The following LINGO2 variants were observed in gnomAD, a reference collection of about 807,000 sequenced individuals.
LINGO2 encodes leucine rich repeat and Ig domain containing 2, also known as leucine-rich repeat and immunoglobulin-like domain-containing nogo receptor-interacting protein 2.
LINGO2 carries 14 observed loss-of-function variants against 30.6 expected under a neutral mutation model. That is an observed-to-expected ratio of 0.46 (90% CI 0.30 to 0.72). The LOEUF is 0.72. Among genes scored for constraint, LINGO2 ranks in the 30% least tolerant of loss-of-function variants. The pLI is 0.07. For synonymous variants in LINGO2, 317 were observed against 288.5 expected (o/e 1.10, Z -1.00); for missense variants, 729 against 751.7 (o/e 0.97, Z 0.35).
intron 4 of LINGO2, among the ~76,000 whole-genome samples, chr9:28,271,155 GT>G (rs1334936006): frequency 7.0e-6 from 1 of 143,342 alleles, no homozygotes; most frequent in Non-Finnish European, 1.5e-5. Context: ...TAAGAAAAAA[GT>G]AAAAAAAAAA....
chr9:28,377,530 A>G (rs1821178276), intron 2 of LINGO2, among the ~76,000 whole-genome samples: 1 of 152,158 alleles, frequency 6.6e-6, no homozygotes, highest in Non-Finnish European at 1.5e-5. Context: ...AGTTATACAC[A>G]GATTTTCAAC....
chr9:29,142,242 T>C, the LINGO2 span, among the ~76,000 whole-genome samples: 3 of 151,710 alleles, frequency 2.0e-5, no homozygotes, highest in Admixed American at 6.6e-5. Flanking sequence ...TAAAAATCAA[T>C]AGCAGAAGGA....
At chr9:28,167,969 T>C (rs1828478456) in intron 4 of LINGO2, among the ~76,000 whole-genome samples, 1 of 152,208 alleles carries the variant, frequency 6.6e-6, no homozygotes, top group Non-Finnish European at 1.5e-5. Flanking sequence ...TCCTCAGCCC[T>C]TTTTTGGTAA....
At chr9:28,444,163 G>A (rs920324952) in intron 2 of LINGO2, among the ~76,000 whole-genome samples, 26 of 152,132 alleles carry the variant, frequency 1.7e-4, no homozygotes, top group Non-Finnish European at 4.4e-5. Flanking sequence ...CTGGATATGG[G>A]ACACGAACTC....
chr9:29,065,863 A>C, the LINGO2 span, among the ~76,000 whole-genome samples: 1 of 152,000 alleles, frequency 6.6e-6, no homozygotes, highest in Non-Finnish European at 1.5e-5. Flanking sequence ...AAAAATCAAG[A>C]TATTAAATAT....
the LINGO2 span, among the ~76,000 whole-genome samples, chr9:28,768,503 C>T: frequency 4.6e-5 from 7 of 151,920 alleles, no homozygotes; most frequent in African/African-American, 1.7e-4. Context: ...CCCAAAAGCT[C>T]TGATTTCTTT....
At chr9:28,918,773 T>A in the LINGO2 span, among the ~76,000 whole-genome samples, 3 of 152,202 alleles carry the variant, frequency 2.0e-5, no homozygotes, top group African/African-American at 7.2e-5. Flanking sequence ...TTTATCTTGC[T>A]ATCAATTAGA....
At chr9:28,773,243 T>C in the LINGO2 span, among the ~76,000 whole-genome samples, 1 of 151,558 alleles carries the variant, frequency 6.6e-6, no homozygotes, top group Non-Finnish European at 1.5e-5. Context: ...CGGGCGCCTG[T>C]AGTCGCAGCT....
At chr9:29,009,283 C>T in the LINGO2 span, among the ~76,000 whole-genome samples, 1 of 152,156 alleles carries the variant, frequency 6.6e-6, no homozygotes, top group African/African-American at 2.4e-5. Context: ...ATTTAGAGAA[C>T]CCCATTGTCT....
chr9:29,200,114 C>T, the LINGO2 span, among the ~76,000 whole-genome samples: 61 of 151,986 alleles, frequency 4.0e-4, no homozygotes, highest in Middle Eastern at 3.4e-3. Context: ...TGGAGTTTTT[C>T]CCGGATACAT....
intron 4 of LINGO2, among the ~76,000 whole-genome samples, chr9:28,033,340 G>T (rs1823773730): frequency 6.6e-6 from 1 of 152,118 alleles, no homozygotes; most frequent in South Asian, 2.1e-4. Flanking sequence ...TCCGAAATGG[G>T]AGCATGTTGG....
chr9:28,838,888 A>G, the LINGO2 span, among the ~76,000 whole-genome samples: 3 of 152,170 alleles, frequency 2.0e-5, no homozygotes, highest in Non-Finnish European at 4.4e-5. Context: ...CAAGCATGGG[A>G]CCCAGCCACT....
intron 1 of LINGO2, among the ~76,000 whole-genome samples, chr9:28,494,393 G>A (rs1587751036): frequency 6.6e-6 from 1 of 152,036 alleles, no homozygotes; most frequent in South Asian, 2.1e-4. Context: ...ACAGGCCTCA[G>A]TATGTGATGT....
At chr9:28,441,890 T>C (rs1056586165) in intron 2 of LINGO2, among the ~76,000 whole-genome samples, 2 of 152,202 alleles carry the variant, frequency 1.3e-5, no homozygotes, top group Non-Finnish European at 1.5e-5. Flanking sequence ...TGTTTAAGAT[T>C]GTTAGTTGTC....
chr9:28,905,541 G>T, the LINGO2 span, among the ~76,000 whole-genome samples: 12 of 151,890 alleles, frequency 7.9e-5, no homozygotes, highest in African/African-American at 2.4e-4. Flanking sequence ...TTCTTAAAAA[G>T]CTCAATATTA....
the LINGO2 span, among the ~76,000 whole-genome samples, chr9:29,208,000 A>G: frequency 2.6e-5 from 4 of 152,080 alleles, no homozygotes; most frequent in African/African-American, 9.6e-5. Flanking sequence ...ATTAGCATTA[A>G]AGCCAATAAA....
At chr9:28,180,462 C>G (rs1828880772) in intron 4 of LINGO2, among the ~76,000 whole-genome samples, 1 of 152,022 alleles carries the variant, frequency 6.6e-6, no homozygotes, top group Admixed American at 6.6e-5. Context: ...ACATACTGAT[C>G]ACTACGGTCA....
the LINGO2 span, among the ~76,000 whole-genome samples, chr9:29,039,455 T>A: frequency 6.6e-6 from 1 of 151,878 alleles, no homozygotes; most frequent in African/African-American, 2.4e-5. Context: ...AAAAAGGAGG[T>A]CACAGTAAGG....
chr9:28,320,745 C>T (rs770629492), intron 3 of LINGO2, among the ~76,000 whole-genome samples: 8 of 152,108 alleles, frequency 5.3e-5, no homozygotes, highest in Non-Finnish European at 7.4e-5. Flanking sequence ...AGATCCAATT[C>T]AATAGAGGAC....
Sources: gnomAD v4.1 joint callset for allele counts (sites outside exome capture counted in the v4.1 genomes callset) on GRCh38, gnomAD v4.1.1 for gene constraint, MANE v1.5 for transcripts, NCBI Gene and HGNC (gene_info 2026-07-23, HGNC 2026-07-21) for gene names.